Variants in DISC1 observed in about 807,000 individuals in gnomAD.
DISC1 encodes disrupted in schizophrenia 1 protein.
A neutral mutation model predicts 84.5 loss-of-function variants in DISC1; 57 were observed. The observed-to-expected ratio is 0.67, with a 90% CI of 0.55 to 0.84. The LOEUF is 0.84. Among genes scored for constraint, DISC1 ranks in the 40% least tolerant of loss-of-function variants. The pLI is 0.00. For synonymous variants in DISC1, 411 were observed against 415.2 expected (o/e 0.99, Z 0.12); for missense variants, 1,000 against 1,057.8 (o/e 0.95, Z 0.76).
intron 8 of DISC1, among the ~76,000 whole-genome samples, chr1:231,810,367 A>G (rs1407545066): frequency 1.3e-5 from 2 of 152,216 alleles, no homozygotes; most frequent in African/African-American, 2.4e-5. Flanking sequence ...CATCAACTCA[A>G]TCGCTTTCTT....
chr1:231,730,825 G>T (rs1442007054), intron 3 of DISC1, among the ~76,000 whole-genome samples: 2 of 152,148 alleles, frequency 1.3e-5, no homozygotes, highest in Non-Finnish European at 2.9e-5. Context: ...AAGTGAGTTA[G>T]TCCTAGCCTA....
intron 9 of DISC1, among the ~76,000 whole-genome samples, chr1:231,936,611 G>T (rs1262206638): frequency 6.6e-6 from 1 of 152,154 alleles, no homozygotes; most frequent in Non-Finnish European, 1.5e-5. Context: ...GCAGGGCTAG[G>T]TTTACATACA....
At chr1:232,028,614 C>T (rs910211901) in intron 12 of DISC1, among the ~76,000 whole-genome samples, 2 of 152,104 alleles carry the variant, frequency 1.3e-5, no homozygotes, top group Admixed American at 1.3e-4. Flanking sequence ...ACATACACCT[C>T]TAAGGTTTTT....
chr1:231,798,315 T>A (rs1435648226), intron 7 of DISC1, among the ~76,000 whole-genome samples: 1 of 152,128 alleles, frequency 6.6e-6, no homozygotes, highest in Non-Finnish European at 1.5e-5. Context: ...TTGGTAGATA[T>A]TAGATTACAT....
At chr1:232,022,593 AC>A (rs1383429909) in intron 11 of DISC1, among the ~76,000 whole-genome samples, 16 of 152,144 alleles carry the variant, frequency 1.1e-4, no homozygotes, top group African/African-American at 3.9e-4. Context: ...GGCGTGAGCC[AC>A]CGCACCCAGC....
intron 6 of DISC1, among the ~76,000 whole-genome samples, chr1:231,788,199 C>T (rs557387345): frequency 3.3e-5 from 5 of 152,244 alleles, no homozygotes; most frequent in Admixed American, 6.5e-5. Flanking sequence ...GCAGGAGAAT[C>T]GCTTGAACCC....
At chr1:231,755,505 A>T (rs1027289716) in intron 4 of DISC1, among the ~76,000 whole-genome samples, 1 of 151,944 alleles carries the variant, frequency 6.6e-6, no homozygotes, top group Non-Finnish European at 1.5e-5. Context: ...TTATCTCCAG[A>T]ATTCCAATCC....
rs982912874 is a variant in DISC1 at position 231,630,224 on chromosome 1, G to A, written c.67+3290G>A. Among the ~76,000 whole-genome samples, 1 of 152,008 alleles carries A rather than the reference G, an allele frequency of 6.6e-6. No individual in the cohort carries two copies. The highest frequency in any genetic ancestry group is 1.5e-5 in the Non-Finnish European group (1 of 68,004). ...GATTACAGGCATGAGCCACTGCGCCGGGCCCTTTAAACAAGATTTAAAGAC... is the reference window on the plus strand; with the variant it reads ...GATTACAGGCATGAGCCACTGCGCCAGGCCCTTTAAACAAGATTTAAAGAC... On this transcript the variant is annotated intron_variant, in intron 1 of 12. Transcript: ENST00000439617. This position sits in a 1 kb window ranked among gnomAD's most constrained non-coding sequence, Gnocchi z 4.4.
chr1:231,774,962 A>G (rs1191559039), intron 6 of DISC1: 2 of 347,032 alleles, frequency 5.8e-6, no homozygotes, highest in Non-Finnish European at 1.1e-5. Context: ...AAATGAACCC[A>G]TCTTACATAC....
chr1:231,907,831 T>C (rs376869090), intron 9 of DISC1, among the ~76,000 whole-genome samples: 6 of 152,118 alleles, frequency 3.9e-5, no homozygotes, highest in African/African-American at 7.2e-5. Flanking sequence ...TCCTCTCCAG[T>C]ACCTGTTGTT....
intron 9 of DISC1, chr1:231,819,361 A>G (rs2081322047): frequency 5.4e-6 from 1 of 183,768 alleles, no homozygotes; most frequent in South Asian, 1.8e-4. Flanking sequence ...TAGTATTTAT[A>G]AGCTAGATTG....
intron 10 of DISC1, among the ~76,000 whole-genome samples, chr1:231,978,435 C>A (rs1442143714): frequency 6.6e-6 from 1 of 152,094 alleles, no homozygotes; most frequent in Admixed American, 6.6e-5. Flanking sequence ...AATAAACTTT[C>A]CTCTATTTGA....
intron 11 of DISC1, among the ~76,000 whole-genome samples, chr1:232,022,440 C>T (rs905680362): frequency 2.6e-5 from 4 of 151,854 alleles, no homozygotes; most frequent in Admixed American, 6.6e-5. Flanking sequence ...CCTGAGTAGC[C>T]GGGACTACAG....
chr1:231,751,068 T>A (rs148805930), intron 4 of DISC1, among the ~76,000 whole-genome samples: 14 of 152,374 alleles, frequency 9.2e-5, no homozygotes, highest in African/African-American at 2.9e-4. Flanking sequence ...TGCTTCCTTA[T>A]AACTATTTGC....
At chr1:231,729,176 C>CT (rs1287167080) in intron 3 of DISC1, among the ~76,000 whole-genome samples, 1 of 152,152 alleles carries the variant, frequency 6.6e-6, no homozygotes, top group South Asian at 2.1e-4. Context: ...CAAACTCAAC[C>CT]TTTTTTATGG....
rs2125325248 is a variant in DISC1 at position 231,750,112 on chromosome 1, GT to G, written c.1268+39del. On this transcript the variant is annotated intron_variant, in intron 4 of 12. Transcript: ENST00000439617. ...GTTATTGTCACCATTTTCCCCTCAT[GT>G]TTCTTCCTACCTCTCAGCTCCCACA... 1.9e-6 allele frequency: 3 copies of G among 1,599,866 alleles called. No individual in the cohort carries two copies. The East Asian group carries it at 6.7e-5, about 36-fold the overall frequency.
chr1:231,987,686 G>T (rs906343787), intron 10 of DISC1, among the ~76,000 whole-genome samples: 1 of 152,170 alleles, frequency 6.6e-6, no homozygotes, highest in African/African-American at 2.4e-5. Flanking sequence ...GAAGGCCATG[G>T]ACTAAAGCAG....
At chr1:231,973,049 T>C (rs1313655116) in intron 10 of DISC1, among the ~76,000 whole-genome samples, 1 of 120,038 alleles carries the variant, frequency 8.3e-6, no homozygotes, top group Non-Finnish European at 1.7e-5. Flanking sequence ...TGTCTTGTTC[T>C]TTTTTTTTTT....
intron 9 of DISC1, among the ~76,000 whole-genome samples, chr1:231,873,835 G>T (rs2085645068): frequency 8.2e-6 from 1 of 122,614 alleles, no homozygotes; most frequent in Non-Finnish European, 1.7e-5. Context: ...ATTGGAAGAG[G>T]GCATCTTAAA....
Sources: gnomAD v4.1 joint callset for allele counts (sites outside exome capture counted in the v4.1 genomes callset) on GRCh38, gnomAD v4.1.1 for gene constraint, Gnocchi (gnomAD v3.1) non-coding constraint, MANE v1.5 for transcripts, NCBI Gene and HGNC (gene_info 2026-07-23, HGNC 2026-07-21) for gene names.